MIPEP: variants seen among roughly 807,000 people sequenced by gnomAD.
MIPEP encodes the protein mitochondrial intermediate peptidase.
A neutral mutation model predicts 90.3 loss-of-function variants in MIPEP; 79 were observed. That is an observed-to-expected ratio of 0.87 (90% CI 0.73 to 1.05). The LOEUF is 1.05. Among genes scored for constraint, MIPEP ranks in the 50% least tolerant of loss-of-function variants. The pLI is 0.00. For synonymous variants in MIPEP, 334 were observed against 315.8 expected, an observed-to-expected ratio of 1.06 and a Z score of -0.61; for missense variants, 940 against 905.6, an observed-to-expected ratio of 1.04 and a Z score of -0.49.
intron 16 of MIPEP, among the ~76,000 whole-genome samples, chr13:23,779,748 C>A (rs910647079): frequency 1.3e-5 from 2 of 152,158 alleles, no homozygotes; most frequent in Non-Finnish European, 2.9e-5. Flanking sequence ...AAAATCGGAT[C>A]ACTCCCACCC....
intron 18 of MIPEP, among the ~76,000 whole-genome samples, chr13:23,752,292 A>C (rs1268481513): frequency 1.3e-5 from 2 of 152,212 alleles, no homozygotes; most frequent in Non-Finnish European, 2.9e-5. Flanking sequence ...GCCATTCACA[A>C]ACTGCTGAAG....
chr13:23,801,504 A>C (rs1427723103), intron 16 of MIPEP, among the ~76,000 whole-genome samples: 1 of 152,210 alleles, frequency 6.6e-6, no homozygotes, highest in African/African-American at 2.4e-5. Flanking sequence ...AGTAGAAAGA[A>C]TGACAAAGTC....
intron 18 of MIPEP, among the ~76,000 whole-genome samples, chr13:23,747,102 T>C (rs1411161565): frequency 6.6e-6 from 1 of 152,186 alleles, no homozygotes; most frequent in Non-Finnish European, 1.5e-5. Context: ...GACCGACTCC[T>C]GACTATGCCA....
rs768751555 is a variant in MIPEP, at chr13:23,870,198, G to A, written c.604-3C>T. On this transcript the variant is annotated splice_region_variant and splice_polypyrimidine_tract_variant and intron_variant, in intron 5 of 18. Coordinates refer to ENST00000382172, the MANE Select transcript of MIPEP (RefSeq NM_005932.4). ...TTGAGGTCCACTGCTCTTTTACGCT[G>A]TATGCAGGAGGAGTAAAAGTTATTT... 1.9e-6 allele frequency: 3 copies of A among 1,558,278 alleles called. No homozygotes were observed. The highest frequency in any genetic ancestry group is 2.6e-6 in the Non-Finnish European group (3 of 1,151,688).
intron 18 of MIPEP, among the ~76,000 whole-genome samples, chr13:23,733,337 C>T (rs1952225472): frequency 6.6e-6 from 1 of 152,096 alleles, no homozygotes; most frequent in South Asian, 2.1e-4. Context: ...GGGAAATGCA[C>T]AATGTATGCT....
intron 15 of MIPEP, among the ~76,000 whole-genome samples, chr13:23,806,714 C>CTG (rs1403239572): frequency 5.0e-5 from 6 of 120,374 alleles, no homozygotes; most frequent in South Asian, 2.9e-4. Flanking sequence ...ACAAAAAAAT[C>CTG]TATATCTATC....
At chr13:23,877,090 G>C (rs1351647364) in intron 4 of MIPEP, among the ~76,000 whole-genome samples, 1 of 151,992 alleles carries the variant, frequency 6.6e-6, no homozygotes, top group Non-Finnish European at 1.5e-5. Flanking sequence ...ATTTTTATAT[G>C]TTCTACTATC....
intron 13 of MIPEP, 79 bp from the exon 14 acceptor site, chr13:23,836,428 T>C (rs1187455930): frequency 7.6e-6 from 5 of 661,994 alleles, no homozygotes; most frequent in African/African-American, 3.7e-5. Flanking sequence ...TTTAAAACTT[T>C]TATTTGTACT....
intron 6 of MIPEP, among the ~76,000 whole-genome samples, chr13:23,869,741 G>A (rs1259655492): frequency 1.3e-5 from 2 of 152,128 alleles, no homozygotes; most frequent in Admixed American, 6.5e-5. Context: ...AAGGCTGCAT[G>A]AATTTAAAAG....
intron 18 of MIPEP, among the ~76,000 whole-genome samples, chr13:23,749,799 C>T (rs1048283217): frequency 5.3e-5 from 8 of 152,166 alleles, no homozygotes. Flanking sequence ...CTTGGCACTA[C>T]CTGCCTTAAA....
intron 17 of MIPEP, among the ~76,000 whole-genome samples, chr13:23,757,278 G>C (rs1952498732): frequency 6.6e-6 from 1 of 151,988 alleles, no homozygotes; most frequent in Admixed American, 6.6e-5. Flanking sequence ...GCTCCTATGA[G>C]AATCTAATGC....
chr13:23,855,723 C>T (rs760997544), intron 10 of MIPEP, among the ~76,000 whole-genome samples: 2 of 152,190 alleles, frequency 1.3e-5, no homozygotes, highest in South Asian at 2.1e-4. Context: ...TTTTAAAACC[C>T]GATTCTTACA....
chr13:23,862,502 C>T (rs1392466652), intron 8 of MIPEP, 140 bp from the exon 9 acceptor site: 2 of 559,326 alleles, frequency 3.6e-6, no homozygotes, highest in Non-Finnish European at 6.4e-6. Context: ...ACTATTAATC[C>T]AAATTTTACC....
At chr13:23,825,330 T>C (rs192886960) in intron 14 of MIPEP, among the ~76,000 whole-genome samples, 1 of 152,362 alleles carries the variant, frequency 6.6e-6, no homozygotes, top group Admixed American at 6.5e-5. Flanking sequence ...TCGATGCTTT[T>C]TCACATCTCT....
intron 18 of MIPEP, 25 bp downstream of exon 18, chr13:23,756,520 T>G (rs375179033): frequency 3.1e-6 from 5 of 1,606,066 alleles, no homozygotes; most frequent in Non-Finnish European, 4.3e-6. Context: ...TCATTATAGA[T>G]GGTGCCATTT....
chr13:23,782,443 C>T (rs1029737364), intron 16 of MIPEP, among the ~76,000 whole-genome samples: 37 of 152,126 alleles, frequency 2.4e-4, no homozygotes, highest in Non-Finnish European at 4.7e-4. Flanking sequence ...ATCTCTGGGA[C>T]ACATTTAAAG....
chr13:23,799,290 A>G (rs572428464), intron 16 of MIPEP, among the ~76,000 whole-genome samples: 98 of 151,584 alleles, frequency 6.5e-4, no homozygotes, highest in African/African-American at 2.2e-3. Flanking sequence ...GATTACAGGC[A>G]TGAGCCACCA....
intron 17 of MIPEP, among the ~76,000 whole-genome samples, chr13:23,757,361 C>T (rs1382764791): frequency 6.6e-6 from 1 of 152,128 alleles, no homozygotes; most frequent in Admixed American, 6.5e-5. Flanking sequence ...CTCACCCACC[C>T]ACCACACCTC....
intron 10 of MIPEP, among the ~76,000 whole-genome samples, chr13:23,846,818 C>T (rs1191553649): frequency 1.7e-5 from 1 of 57,176 alleles, no homozygotes; most frequent in East Asian, 5.3e-4. Flanking sequence ...AGAAAACTAT[C>T]ACTACCAAAT....
Sources: allele counts gnomAD v4.1 joint callset (sites outside exome capture counted in the v4.1 genomes callset), GRCh38; gene constraint gnomAD v4.1.1; transcripts MANE v1.5; gene names NCBI Gene and HGNC (gene_info 2026-07-23, HGNC 2026-07-21).